Variants in ZNF234 observed in about 807,000 individuals in gnomAD.
ZNF234 encodes C2-H2 type zinc finger protein.
ZNF234 carries 4 observed loss-of-function variants against 10.3 expected under a neutral mutation model. That is an observed-to-expected ratio of 0.39 (90% CI 0.19 to 0.89). The LOEUF (loss-of-function observed/expected upper bound fraction) is 0.89, where lower values mean the gene tolerates loss of function less well. ZNF234 is among the 40% of genes least tolerant of loss of function. The pLI, the probability that ZNF234 is intolerant of heterozygous loss-of-function variation, is 0.38. For missense variants in ZNF234, 711 were observed against 836.1 expected (o/e 0.85, Z 1.85); for synonymous variants, 258 against 280.1 (o/e 0.92, Z 0.79).
rs1968467705 is a variant in ZNF234 at position 44,141,765 on chromosome 19, G to T, written c.-131+32G>T. On this transcript the variant is annotated intron_variant, in intron 1 of 5. Coordinates refer to ENST00000426739, the MANE Select transcript of ZNF234 (RefSeq NM_006630.3). The surrounding 1 kb of genome is among the most constrained non-coding windows in gnomAD (Gnocchi z 4.6). ...TGGGGCGAGGGCGGCGGCTTTTGTT[G>T]TGTCAGCGGAGCCTTCTTGGGCTGG... The T allele has an allele frequency of 6.6e-6, 1 of 152,484 alleles. No individual in the cohort carries two copies. The highest frequency in any genetic ancestry group is 1.5e-5 in the Non-Finnish European group (1 of 68,132). 9.4% of individuals were successfully genotyped at this position (152,484 alleles called of 1,614,324 possible). A position where few individuals can be genotyped will look rare whatever the true frequency, so the allele number is the denominator to read the frequency against.
intron 4 of ZNF234, 149 bp from the exon 5 acceptor site, chr19:44,150,264 C>T (rs940595742): frequency 3.8e-6 from 2 of 525,620 alleles, no homozygotes; most frequent in Non-Finnish European, 6.5e-6. Flanking sequence ...TCTTGAAATA[C>T]TGATATTTCT....
At chr19:44,143,676 G>T (rs1215959573) in intron 2 of ZNF234, among the ~76,000 whole-genome samples, 1 of 151,698 alleles carries the variant, frequency 6.6e-6, no homozygotes, top group Non-Finnish European at 1.5e-5. Context: ...GCCACATGTG[G>T]TAGTGCGCGC....
In ZNF234 at chr19:44,159,959, G is replaced by A. The variant is rs1027340181; in HGVS notation, c.*1840G>A. The A allele has an allele frequency of 6.5e-6, 1 of 154,280 alleles. No individual in the cohort carries two copies. Among genetic ancestry groups the A allele is most frequent in the African/African-American group, 2.4e-5 (1 of 41,330 alleles). The allele number at this position is 154,280 out of a possible 1,614,324, so 9.6% of individuals were successfully genotyped here. The stretch of plus-strand genomic sequence containing the variant: ...AGGCAGGAGGATTGCTTGAACCCGG[G>A]AGGCGGAAGTTGCAGTGAGCCGAGA... On this transcript the variant is annotated 3_prime_UTR_variant, in exon 6 of 6. Transcript: ENST00000426739.
rs1968462216 is a variant in ZNF234 at position 44,141,566 on chromosome 19, G to A, written c.-298G>A. ...AGTCCCGCCAATCAGTGGAGTCGCG[G>A]GCACTTCCGCTCCAGGGAAGAGGGG... On this transcript the variant is annotated 5_prime_UTR_variant, in exon 1 of 6. Coordinates refer to ENST00000426739, the MANE Select transcript of ZNF234 (RefSeq NM_006630.3). This position sits in a 1 kb window ranked among gnomAD's most constrained non-coding sequence, Gnocchi z 4.6. The A allele has an allele frequency of 6.6e-6, 1 of 152,302 alleles. No individual in the cohort carries two copies. The highest frequency in any genetic ancestry group is 1.5e-5 in the Non-Finnish European group (1 of 68,090). 9.4% of individuals were successfully genotyped at this position (152,302 alleles called of 1,614,324 possible).
chr19:44,149,226 G>A (rs1459915995), intron 4 of ZNF234, among the ~76,000 whole-genome samples: 1 of 152,110 alleles, frequency 6.6e-6, no homozygotes, highest in African/African-American at 2.4e-5. Flanking sequence ...GATCACCTGA[G>A]GTCGGGAGTT....
rs763652648 is a variant in ZNF234, at chr19:44,157,990, T to C, written c.1974T>C (p.Gly658=). 6.2e-7 allele frequency: 1 copy of C among 1,613,932 alleles called. No individual in the cohort carries two copies. The highest frequency in any genetic ancestry group is 8.5e-7 in the Non-Finnish European group (1 of 1,179,890). ...AACCTTACAAATGTGAGATATGTGG[T>C]AAGAGGTTCAGCTGGCGATCAAATC... is the stretch of plus-strand genomic sequence containing the variant. ...GEKPYKCEIC[G]KRFSWRSNLV... is the part of the protein sequence containing the mutation. Residue 658 remains glycine (G), a synonymous_variant, in exon 6 of 6, where the codon GGT becomes GGC. Transcript: ENST00000426739.
At chr19:44,150,356 A>G in intron 4 of ZNF234, 57 bp from the exon 5 acceptor site, 1 of 1,390,454 alleles carries the variant, frequency 7.2e-7, no homozygotes, top group Non-Finnish European at 9.8e-7. Context: ...AATTGCCAGT[A>G]AGTTCAGTTG....
At chr19:44,155,309 C>G (rs1968850597) in intron 5 of ZNF234, among the ~76,000 whole-genome samples, 1 of 152,128 alleles carries the variant, frequency 6.6e-6, no homozygotes, top group Non-Finnish European at 1.5e-5. Context: ...ACTCCCCTCA[C>G]AGTAAAAAAT....
At chr19:44,146,544 GT>G (rs1234815665) in intron 3 of ZNF234, among the ~76,000 whole-genome samples, 3 of 152,104 alleles carry the variant, frequency 2.0e-5, no homozygotes, top group South Asian at 4.1e-4. Context: ...AGGGGGTGAG[GT>G]TTTTGGTAAG....
At position 44,144,136 on chromosome 19, in the gene ZNF234, T is replaced by G. The variant is rs952226041; in HGVS notation, c.-76-421T>G. ...AGTTTAGATCATTTTCATCCCCCAA[T>G]TGGACTCCTCTTGCCCATTTACAGT... On this transcript the variant is annotated intron_variant, in intron 2 of 5. Transcript: ENST00000426739. Among the ~76,000 whole-genome samples, 15 of 152,158 alleles carry G rather than the reference T, an allele frequency of 9.9e-5. 1 individual carries two copies. Among genetic ancestry groups the G allele is most frequent in the Non-Finnish European group, 2.9e-5 (2 of 68,020 alleles).
At position 44,158,083 on chromosome 19, in the gene ZNF234, C is replaced by T. The variant is rs1439812088; in HGVS notation, c.2067C>T (p.Ile689=). 2.5e-6 allele frequency: 4 copies of T among 1,605,434 alleles called. No individual in the cohort carries two copies. In the Admixed American group the frequency reaches 5.1e-5, roughly 20 times the overall value. Residue 689 remains isoleucine (I), a synonymous_variant, in exon 6 of 6, where the codon ATC becomes ATT. Transcript: ENST00000426739. ...AAAATGATGAGAATAGTAAGAACAT[C>T]AGAGAGTTGTCAGAGGGAGGAAGTT... ...FYENDENSKN[I]RELSEGGSST...
chr19:44,142,647 A>G (rs1324834140), intron 2 of ZNF234, among the ~76,000 whole-genome samples: 1 of 152,162 alleles, frequency 6.6e-6, no homozygotes, highest in East Asian at 1.9e-4. Flanking sequence ...AACTAGCTGT[A>G]CTCAGGTGGG....
chr19:44,148,381 G>A (rs1047373830), intron 3 of ZNF234, among the ~76,000 whole-genome samples: 9 of 152,318 alleles, frequency 5.9e-5, no homozygotes, highest in Middle Eastern at 3.4e-3. Flanking sequence ...AGCATCCAGC[G>A]TTCCTATGTG....
chr19:44,146,354 G>A (rs1164686684), intron 3 of ZNF234, among the ~76,000 whole-genome samples: 1 of 152,164 alleles, frequency 6.6e-6, no homozygotes, highest in African/African-American at 2.4e-5. Context: ...AGATGGCTGG[G>A]TCAAATGGTA....
At position 44,157,523 on chromosome 19, in the gene ZNF234, T is replaced by C. The variant is rs757270943; in HGVS notation, c.1507T>C (p.Cys503Arg). The change falls in exon 6 of 6, where the codon TGT becomes CGT. Residue 503 changes from cysteine to arginine, a missense_variant. By Grantham distance (180) the Cys-to-Arg change is radical. Transcript: ENST00000426739. ...TCGTAGAGCAGATCTTAAAATTCAT[T>C]GTAGGATCCACACAGGGGAGAAACC... The part of the protein sequence containing the change: ...FSRRADLKIH[C>R]RIHTGEKPYN... 23 of 1,613,648 alleles carry C rather than the reference T, an allele frequency of 1.4e-5. No individual in the cohort carries two copies. Among genetic ancestry groups the C allele is most frequent in the Middle Eastern group, 1.6e-4 (1 of 6,080 alleles).
Position 44,156,924 on chromosome 19 carries a change from T to G in ZNF234, c.908T>G (p.Leu303Arg). 1 of 1,614,158 alleles carries G rather than the reference T, an allele frequency of 6.2e-7. No individual in the cohort carries two copies. Among genetic ancestry groups the G allele is most frequent in the Non-Finnish European group, 8.5e-7 (1 of 1,180,008 alleles). The change falls in exon 6 of 6, where the codon CTT becomes CGT. Residue 303 changes from leucine (L) to arginine (R), a missense_variant. Transcript: ENST00000426739. ...AAGAACTTCCGTCGTAGATCAGCAC[T>G]TAATAATCATTGCATGGTCCACACA... ...CGKNFRRRSA[L>R]NNHCMVHTGE...
At chr19:44,146,396 C>T (rs1440104896) in intron 3 of ZNF234, among the ~76,000 whole-genome samples, 1 of 152,214 alleles carries the variant, frequency 6.6e-6, no homozygotes, top group African/African-American at 2.4e-5. Flanking sequence ...GGAATCGCCA[C>T]ACTGTCTTCC....
intron 5 of ZNF234, among the ~76,000 whole-genome samples, chr19:44,154,363 G>A (rs1968823542): frequency 6.6e-6 from 1 of 150,470 alleles, no homozygotes; most frequent in Non-Finnish European, 1.5e-5. Context: ...AATAATACAT[G>A]TTATCAGTTC....
chr19:44,151,467 G>A (rs1198631847), intron 5 of ZNF234, among the ~76,000 whole-genome samples: 1 of 152,198 alleles, frequency 6.6e-6, no homozygotes, highest in Non-Finnish European at 1.5e-5. Context: ...AAAGTGCTGG[G>A]ATTACAGGCA....
Sources: gnomAD v4.1 joint callset for allele counts (sites outside exome capture counted in the v4.1 genomes callset) on GRCh38, gnomAD v4.1.1 for gene constraint, Gnocchi (gnomAD v3.1) non-coding constraint, MANE v1.5 for transcripts, NCBI Gene and HGNC (gene_info 2026-07-23, HGNC 2026-07-21) for gene names.